Variants in SYT16 observed in about 807,000 individuals in gnomAD.
SYT16 encodes the protein synaptotagmin 16.
In SYT16, 42 loss-of-function variants were observed where a neutral mutation model predicts 61.4. The ratio of observed to expected loss-of-function variants is 0.68; its 90% CI spans 0.53 to 0.89. The LOEUF (loss-of-function observed/expected upper bound fraction) is 0.89. Ranked by LOEUF, SYT16 falls within the 40% of genes least tolerant of loss-of-function variation. SYT16 has a pLI of 0.00. For synonymous variants in SYT16, 314 were observed against 302.3 expected (o/e 1.04, Z -0.40); for missense variants, 804 against 807.3 (o/e 1.00, Z 0.05).
At chr14:61,853,395 G>T (rs2046677773) in intron 1 of SYT16, among the ~76,000 whole-genome samples, 1 of 152,180 alleles carries the variant, frequency 6.6e-6, no homozygotes, top group Non-Finnish European at 1.5e-5. Flanking sequence ...TTGAGAGTTT[G>T]TGTCTCCCCA....
chr14:61,884,820 A>T (rs1235606709), intron 1 of SYT16, among the ~76,000 whole-genome samples: 2 of 151,994 alleles, frequency 1.3e-5, no homozygotes, highest in Non-Finnish European at 2.9e-5. Flanking sequence ...GGATGAAGTC[A>T]CTCTTCCCAC....
At chr14:61,926,188 CTAGAAGGAATTTGCTTTCT>C (rs71449565) in intron 1 of SYT16, among the ~76,000 whole-genome samples, 5,245 of 152,194 alleles carry the variant, frequency 0.034, 135 homozygotes, top group Non-Finnish European at 0.057. Context: ...ACATTAGATG[CTAGAAGGAATTTGCTTTCT>C]TAGGGCTAAA....
At chr14:61,971,769 C>A (rs1413727317) in intron 2 of SYT16, among the ~76,000 whole-genome samples, 1 of 152,200 alleles carries the variant, frequency 6.6e-6, no homozygotes, top group Non-Finnish European at 1.5e-5. Flanking sequence ...GGCATTCCTG[C>A]TATCGCAGTG....
intron 1 of SYT16, among the ~76,000 whole-genome samples, chr14:61,921,959 G>A (rs2049349065): frequency 6.6e-6 from 1 of 152,200 alleles, no homozygotes; most frequent in Non-Finnish European, 1.5e-5. Flanking sequence ...ACTTCTATGA[G>A]CTTTTTCCCT....
intron 1 of SYT16, chr14:61,832,256 A>G (rs1388403801): frequency 1.7e-6 from 1 of 604,620 alleles, no homozygotes; most frequent in Non-Finnish European, 3.2e-6. Context: ...GTCGATCCAC[A>G]TAAGCTGGGA....
intron 1 of SYT16, among the ~76,000 whole-genome samples, chr14:61,903,295 A>G (rs544907853): frequency 5.7e-4 from 87 of 152,064 alleles, no homozygotes; most frequent in Non-Finnish European, 1.1e-3. Flanking sequence ...GGCACAATTC[A>G]ACCTGTGTAA....
intron 1 of SYT16, among the ~76,000 whole-genome samples, chr14:61,913,712 G>GTGTGTGTGTGTGTA (rs1383440887): frequency 1.3e-5 from 2 of 151,532 alleles, no homozygotes; most frequent in African/African-American, 4.9e-5. Flanking sequence ...CTTTGTGTGT[G>GTGTGTGTGTGTGTA]TGTGTGTGTG....
At chr14:61,935,442 A>C (rs2049940570) in intron 1 of SYT16, among the ~76,000 whole-genome samples, 1 of 152,180 alleles carries the variant, frequency 6.6e-6, no homozygotes, top group Non-Finnish European at 1.5e-5. Context: ...CCTGCAGAAG[A>C]AAAGTCCTAA....
At chr14:62,005,311 G>A (rs1959329) in intron 3 of SYT16, among the ~76,000 whole-genome samples, 78,881 of 151,918 alleles carry the variant, frequency 0.52, 21,434 homozygotes, top group East Asian at 0.75. Context: ...TGTTTTGGTC[G>A]GTGTACATTG....
chr14:61,841,166 G>T (rs1198392673), intron 1 of SYT16, among the ~76,000 whole-genome samples: 2 of 152,096 alleles, frequency 1.3e-5, no homozygotes, highest in Non-Finnish European at 2.9e-5. Flanking sequence ...GGTCTCTTAG[G>T]GTTATCTGGA....
rs553312650 is a variant in SYT16, at chr14:62,049,073, G to T, written c.524-20530G>T. 7.2e-5 allele frequency among the ~76,000 whole-genome samples: 11 copies of T among 152,244 alleles called. 1 individual carries two copies. In the East Asian group the frequency reaches 1.9e-3, roughly 27 times the overall value. On this transcript the variant is annotated intron_variant, in intron 3 of 7. Transcript: ENST00000683842. ...GTTGATCTGTCTAATGTTGACAGTG[G>T]GGTGTTAAAGTCTCCCATTATTTTT...
intron 5 of SYT16, chr14:62,079,415 T>A (rs980180520): frequency 2.8e-5 from 30 of 1,060,240 alleles, no homozygotes; most frequent in Non-Finnish European, 3.8e-5. Context: ...TTTTACAACA[T>A]CCCTACACAG....
chr14:61,880,429 CA>C (rs1275576348), intron 1 of SYT16, among the ~76,000 whole-genome samples: 2 of 152,184 alleles, frequency 1.3e-5, no homozygotes, highest in Non-Finnish European at 2.9e-5. Flanking sequence ...TTCTTTTCTT[CA>C]GATGTGAATC....
intron 2 of SYT16, among the ~76,000 whole-genome samples, chr14:61,972,587 C>T (rs1460074387): frequency 6.6e-6 from 1 of 152,188 alleles, no homozygotes; most frequent in Non-Finnish European, 1.5e-5. Context: ...TCTCCTTTTA[C>T]AAGTTTAATT....
At chr14:61,907,543 A>G (rs1022486278) in intron 1 of SYT16, among the ~76,000 whole-genome samples, 8 of 152,326 alleles carry the variant, frequency 5.3e-5, no homozygotes, top group Non-Finnish European at 1.2e-4. Flanking sequence ...TCCACTTGCA[A>G]GCAGACTCAC....
At chr14:61,989,482 G>A (rs1219865030) in intron 2 of SYT16, among the ~76,000 whole-genome samples, 3 of 152,178 alleles carry the variant, frequency 2.0e-5, no homozygotes, top group South Asian at 2.1e-4. Flanking sequence ...AGAATCGCTC[G>A]AACCTGGAAG....
intron 1 of SYT16, among the ~76,000 whole-genome samples, chr14:61,896,159 T>C (rs1376015410): frequency 6.6e-6 from 1 of 151,988 alleles, no homozygotes; most frequent in Non-Finnish European, 1.5e-5. Flanking sequence ...TCTCTGGCCC[T>C]GTGCTTTGTG....
rs117613529 is a variant in SYT16, at chr14:61,999,240, C to G, written c.523+2698C>G. Among the ~76,000 whole-genome samples, 571 of 151,676 alleles carry G rather than the reference C, an allele frequency of 3.8e-3. 4 individuals carry two copies. Among genetic ancestry groups the G allele is most frequent in the Non-Finnish European group, 7.1e-3 (484 of 67,738 alleles). ...TGTTTGCTAGAATTTTTCAGTGAAG[C>G]CTTCTGAGCCCGGGATTTTCTTTGT... On this transcript the variant is annotated intron_variant, in intron 3 of 7. Coordinates refer to ENST00000683842, the MANE Select transcript of SYT16 (RefSeq NM_001367656.1).
chr14:62,013,694 G>A (rs1027089728), intron 3 of SYT16, among the ~76,000 whole-genome samples: 1 of 152,022 alleles, frequency 6.6e-6, no homozygotes, highest in South Asian at 2.1e-4. Context: ...GGCCAAGTGC[G>A]GTGGCTCATG....
Sources: gnomAD v4.1 joint callset for allele counts (sites outside exome capture counted in the v4.1 genomes callset) on GRCh38, gnomAD v4.1.1 for gene constraint, MANE v1.5 for transcripts, NCBI Gene and HGNC (gene_info 2026-07-23, HGNC 2026-07-21) for gene names.